LRRTM4: variants seen among roughly 807,000 people sequenced by gnomAD.
LRRTM4 encodes leucine-rich repeat transmembrane neuronal protein 4.
In LRRTM4, 25 loss-of-function variants were observed where a neutral mutation model predicts 47.6. That is an observed-to-expected ratio of 0.53 (90% CI 0.38 to 0.73). LRRTM4 has a LOEUF of 0.73. Among genes scored for constraint, LRRTM4 ranks in the 30% least tolerant of loss-of-function variants. The probability of loss-of-function intolerance (pLI) is 0.00; values close to 1 mark genes in which losing one functional copy is unlikely to be tolerated. For synonymous variants in LRRTM4, 311 were observed against 269.5 expected (o/e 1.15, Z -1.51); for missense variants, 638 against 713.4 (o/e 0.89, Z 1.20).
intron 3 of LRRTM4, among the ~76,000 whole-genome samples, chr2:77,352,204 A>G (rs1262061320): frequency 6.6e-6 from 1 of 152,136 alleles, no homozygotes; most frequent in African/African-American, 2.4e-5. Flanking sequence ...TTTATTGAAT[A>G]AGAGTTTAAA....
At chr2:76,793,473 A>T (rs1675088118) in intron 3 of LRRTM4, among the ~76,000 whole-genome samples, 1 of 152,140 alleles carries the variant, frequency 6.6e-6, no homozygotes, top group Admixed American at 6.5e-5. Flanking sequence ...TGTTCTATCT[A>T]CTTTAAGATA....
intron 3 of LRRTM4, among the ~76,000 whole-genome samples, chr2:76,782,401 G>A (rs1012621065): frequency 5.3e-5 from 8 of 152,204 alleles, no homozygotes; most frequent in South Asian, 2.1e-4. Context: ...AACTAGTGGT[G>A]CTTTCTTTGG....
At chr2:77,209,786 T>C (rs1674241803) in intron 3 of LRRTM4, among the ~76,000 whole-genome samples, 1 of 152,246 alleles carries the variant, frequency 6.6e-6, no homozygotes, top group Admixed American at 6.5e-5. Flanking sequence ...AAAATAGTTT[T>C]ATCTGGCAAA....
chr2:76,923,828 T>G (rs1187000112), intron 3 of LRRTM4, among the ~76,000 whole-genome samples: 1 of 152,112 alleles, frequency 6.6e-6, no homozygotes, highest in Non-Finnish European at 1.5e-5. Flanking sequence ...GTAATTTGGG[T>G]GGTAAAACTT....
intron 3 of LRRTM4, among the ~76,000 whole-genome samples, chr2:77,007,733 GGAAAA>G (rs914840829): frequency 1.3e-5 from 2 of 152,116 alleles, no homozygotes; most frequent in Admixed American, 1.3e-4. Context: ...ATGGTTCGGT[GGAAAA>G]GAAAAGGCTA....
chr2:76,944,802 T>C (rs1158741544), intron 3 of LRRTM4, among the ~76,000 whole-genome samples: 2 of 152,070 alleles, frequency 1.3e-5, no homozygotes, highest in African/African-American at 2.4e-5. Flanking sequence ...GAAGGAAATT[T>C]ACAAATGGCG....
intron 3 of LRRTM4, among the ~76,000 whole-genome samples, chr2:77,275,158 A>C (rs979205918): frequency 2.6e-5 from 4 of 152,176 alleles, no homozygotes; most frequent in African/African-American, 9.7e-5. Flanking sequence ...GACTATAAAT[A>C]ATCTCTTTTC....
At chr2:77,264,958 T>C (rs1256122482) in intron 3 of LRRTM4, among the ~76,000 whole-genome samples, 1 of 152,140 alleles carries the variant, frequency 6.6e-6, no homozygotes, top group Non-Finnish European at 1.5e-5. Flanking sequence ...TTTTTATTTG[T>C]TTTCAAAGAT....
intron 3 of LRRTM4, among the ~76,000 whole-genome samples, chr2:76,821,915 G>T (rs1408018088): frequency 1.3e-5 from 2 of 151,528 alleles, no homozygotes; most frequent in Non-Finnish European, 3.0e-5. Flanking sequence ...GCATCATATA[G>T]TACCTGACGT....
chr2:77,166,169 C>G (rs1672879003), intron 3 of LRRTM4, among the ~76,000 whole-genome samples: 1 of 152,084 alleles, frequency 6.6e-6, no homozygotes, highest in African/African-American at 2.4e-5. Flanking sequence ...CAATGACAGA[C>G]AAACAGAGAG....
chr2:77,390,672 T>G (rs534891147), intron 3 of LRRTM4, among the ~76,000 whole-genome samples: 1 of 151,588 alleles, frequency 6.6e-6, no homozygotes, highest in South Asian at 2.1e-4. Flanking sequence ...TTTAAAACGT[T>G]AAATAATATT....
At chr2:76,749,317 AAAAT>A in intron 3 of LRRTM4, among the ~76,000 whole-genome samples, 1 of 152,198 alleles carries the variant, frequency 6.6e-6, no homozygotes, top group Non-Finnish European at 1.5e-5. Flanking sequence ...ACTAAGTAGA[AAAAT>A]AATTAAGGTG....
intron 3 of LRRTM4, among the ~76,000 whole-genome samples, chr2:77,048,916 C>T (rs906437370): frequency 6.6e-6 from 1 of 151,252 alleles, no homozygotes; most frequent in African/African-American, 2.4e-5. Flanking sequence ...TGGCTATCCC[C>T]ATCTCCCCAC....
intron 3 of LRRTM4, among the ~76,000 whole-genome samples, chr2:76,896,213 A>G (rs192985092): frequency 1.3e-5 from 2 of 151,104 alleles, no homozygotes; most frequent in African/African-American, 2.4e-5. Flanking sequence ...CACACACACA[A>G]ACACACACAC....
chr2:77,017,195 C>T (rs1012688556), intron 3 of LRRTM4, among the ~76,000 whole-genome samples: 5 of 152,040 alleles, frequency 3.3e-5, no homozygotes, highest in Non-Finnish European at 7.4e-5. Context: ...AGTGTGATAT[C>T]CAAGGTGGCA....
chr2:77,447,199 T>C lies in LRRTM4; in HGVS notation c.1551+71119A>G, dbSNP rs369158630. On this transcript the variant is annotated intron_variant, in intron 3 of 3. Coordinates refer to ENST00000409884, the MANE Select transcript of LRRTM4 (RefSeq NM_001134745.3). Reference sequence around the variant, plus strand: ...TAAAAACTCCAAGTATAGTCAGTTCTACTATAACACTTGTTTTGAAAATGC... The same window carrying C: ...TAAAAACTCCAAGTATAGTCAGTTCCACTATAACACTTGTTTTGAAAATGC... Among the ~76,000 whole-genome samples, 88 of 149,454 alleles carry C rather than the reference T, an allele frequency of 5.9e-4. No homozygotes were observed. The South Asian group carries it at 0.018, about 30-fold the overall frequency.
intron 3 of LRRTM4, among the ~76,000 whole-genome samples, chr2:77,165,932 G>C (rs900099867): frequency 6.6e-6 from 1 of 152,064 alleles, no homozygotes; most frequent in Non-Finnish European, 1.5e-5. Flanking sequence ...ACCACTCCTA[G>C]TCAACATAAT....
intron 3 of LRRTM4, among the ~76,000 whole-genome samples, chr2:77,171,474 A>G (rs990943315): frequency 9.9e-5 from 15 of 151,900 alleles, no homozygotes; most frequent in Non-Finnish European, 2.1e-4. Context: ...ATGGGGTTTC[A>G]CCATGTTGGC....
At chr2:77,161,130 A>C (rs1314585877) in intron 3 of LRRTM4, among the ~76,000 whole-genome samples, 1 of 152,202 alleles carries the variant, frequency 6.6e-6, no homozygotes, top group Admixed American at 6.5e-5. Flanking sequence ...AGCTATAGGC[A>C]TAGTTAAACG....
Sources: allele counts gnomAD v4.1 joint callset (sites outside exome capture counted in the v4.1 genomes callset), GRCh38; gene constraint gnomAD v4.1.1; transcripts MANE v1.5; gene names NCBI Gene and HGNC (gene_info 2026-07-23, HGNC 2026-07-21).